The following PIK3CA variants were observed in gnomAD, a reference collection of about 807,000 sequenced individuals.
The protein encoded by PIK3CA is phosphatidylinositol-4,5-bisphosphate 3-kinase catalytic subunit alpha, also known as phosphatidylinositol 4,5-bisphosphate 3-kinase catalytic subunit alpha isoform.
In PIK3CA, 27 loss-of-function variants were observed where a neutral mutation model predicts 138.2. That is an observed-to-expected ratio of 0.20 (90% CI 0.14 to 0.27). The LOEUF (loss-of-function observed/expected upper bound fraction) is 0.27, where lower values mean the gene tolerates loss of function less well. PIK3CA is among the 10% of genes least tolerant of loss of function. PIK3CA has a pLI of 1.00. For missense variants in PIK3CA, 544 were observed against 1,277.4 expected, an observed-to-expected ratio of 0.43 and a Z score of 8.75; for synonymous variants, 358 against 413.2, an observed-to-expected ratio of 0.87 and a Z score of 1.62.
Position 179,236,701 on chromosome 3 carries a change from A to G in PIK3CA, c.*2337A>G. ...CACAAACCACATGGCCGATTTCACC[A>G]TTTACATTTATTTTCAAAAGTTACT... On this transcript the variant is annotated 3_prime_UTR_variant, in exon 21 of 21. Coordinates refer to ENST00000263967, the MANE Select transcript of PIK3CA (RefSeq NM_006218.4). 1 of 224,630 alleles carries G rather than the reference A, an allele frequency of 4.5e-6. No individual in the cohort carries two copies. The highest frequency in any genetic ancestry group is 1.8e-4 in the South Asian group (1 of 5,542). 13.9% of individuals were successfully genotyped at this position (224,630 alleles called of 1,614,324 possible). A position where few individuals can be genotyped will look rare whatever the true frequency, so the allele number is the denominator to read the frequency against.
intron 18 of PIK3CA, 118 bp from the exon 19 acceptor site, chr3:179,229,885 AT>A: frequency 1.6e-6 from 1 of 624,058 alleles, no homozygotes; most frequent in Admixed American, 2.8e-5. Flanking sequence ...TAATTTCCTT[AT>A]TCGTTGTCAG....
In PIK3CA at chr3:179,235,497, G is replaced by A. The variant is rs953376692; in HGVS notation, c.*1133G>A. The A allele has an allele frequency of 5.2e-6, 1 of 191,094 alleles. No individual in the cohort carries two copies. The highest frequency in any genetic ancestry group is 1.1e-5 in the Non-Finnish European group (1 of 91,130). 11.8% of individuals were successfully genotyped at this position (191,094 alleles called of 1,614,324 possible). On this transcript the variant is annotated 3_prime_UTR_variant, in exon 21 of 21. Transcript: ENST00000263967. ...AATAACCAGTGTATAACTACTTAAGGAAAACATAAAAACTTCATCTTCTTT... is the reference window on the plus strand; with the variant it reads ...AATAACCAGTGTATAACTACTTAAGAAAAACATAAAAACTTCATCTTCTTT...
At chr3:179,213,590 T>A (rs1381761126) in intron 9 of PIK3CA, among the ~76,000 whole-genome samples, 1 of 152,228 alleles carries the variant, frequency 6.6e-6, no homozygotes, top group Non-Finnish European at 1.5e-5. Flanking sequence ...CCCTTCCTTA[T>A]GTGAAAGATT....
rs1026742854 is a variant in PIK3CA, at chr3:179,237,275, T to C, written c.*2911T>C. The C allele has an allele frequency of 5.1e-6, 1 of 194,720 alleles. No individual in the cohort carries two copies. The highest frequency in any genetic ancestry group is 1.1e-5 in the Non-Finnish European group (1 of 93,624). 12.1% of individuals were successfully genotyped at this position (194,720 alleles called of 1,614,324 possible). A position where few individuals can be genotyped will look rare whatever the true frequency, so the allele number is the denominator to read the frequency against. On this transcript the variant is annotated 3_prime_UTR_variant, in exon 21 of 21. Transcript: ENST00000263967. Reference sequence around the variant, plus strand: ...ATGGAATTTGGTTGCTATTTTACAATAGAACCTAAGCTTTTTGTGGTTCTT... The same window carrying C: ...ATGGAATTTGGTTGCTATTTTACAACAGAACCTAAGCTTTTTGTGGTTCTT...
At chr3:179,227,907 G>T (rs559803433) in intron 17 of PIK3CA, among the ~76,000 whole-genome samples, 1 of 152,122 alleles carries the variant, frequency 6.6e-6, no homozygotes, top group Non-Finnish European at 1.5e-5. Flanking sequence ...CACATCCCAA[G>T]TATTATGGTT....
At chr3:179,209,485 T>TGGAA in intron 6 of PIK3CA, 110 bp from the exon 7 acceptor site, 1 of 588,556 alleles carries the variant, frequency 1.7e-6, no homozygotes, top group Non-Finnish European at 3.0e-6. Flanking sequence ...TCAATCTCTT[T>TGGAA]CCTGTTTTTC....
At chr3:179,209,772 T>C in intron 7 of PIK3CA, 72 bp downstream of exon 7, 2 of 749,984 alleles carry the variant, frequency 2.7e-6, no homozygotes, top group Non-Finnish European at 4.3e-6. Context: ...TTGAATTTTT[T>C]CACAAATTGG....
At chr3:179,203,895 TAGG>T (rs1307737987) in intron 5 of PIK3CA, 106 bp downstream of exon 5, 1 of 741,352 alleles carries the variant, frequency 1.3e-6, no homozygotes, top group Admixed American at 2.8e-5. Flanking sequence ...TTCAGATGGT[TAGG>T]AGAACATCCA....
chr3:179,202,939 G>GTTTTT (rs372017091), intron 4 of PIK3CA, among the ~76,000 whole-genome samples: 4 of 119,028 alleles, frequency 3.4e-5, no homozygotes, highest in African/African-American at 1.0e-4. Context: ...TGTGATCCTT[G>GTTTTT]TTTTTTTTTT....
At chr3:179,159,114 G>A (rs1236750797) in intron 1 of PIK3CA, among the ~76,000 whole-genome samples, 2 of 152,062 alleles carry the variant, frequency 1.3e-5, no homozygotes, top group Non-Finnish European at 2.9e-5. Flanking sequence ...GAAATTATCT[G>A]CGATTTTTGT....
rs2108430412 is a variant in PIK3CA at position 179,234,434 on chromosome 3, A to G, written c.*70A>G. The G allele has an allele frequency of 7.5e-7, 1 of 1,327,162 alleles. No homozygotes were observed. The highest frequency in any genetic ancestry group is 2.1e-5 in the Admixed American group (1 of 46,998). 82.2% of individuals were successfully genotyped at this position (1,327,162 alleles called of 1,614,324 possible). A position where few individuals can be genotyped will look rare whatever the true frequency, so the allele number is the denominator to read the frequency against. ...CACTGTTAATAACTCTCAGCAGGCA[A>G]AGACCGATTGCATAGGAATTGCACA... is the stretch of plus-strand genomic sequence containing the variant. On this transcript the variant is annotated 3_prime_UTR_variant, in exon 21 of 21. Coordinates refer to ENST00000263967, the MANE Select transcript of PIK3CA (RefSeq NM_006218.4). The surrounding 1 kb of genome is among the most constrained non-coding windows in gnomAD (Gnocchi z 5.1).
intron 1 of PIK3CA, among the ~76,000 whole-genome samples, chr3:179,188,271 C>G (rs1228833971): frequency 6.6e-6 from 1 of 152,204 alleles, no homozygotes; most frequent in African/African-American, 2.4e-5. Context: ...GCTCAAGTCA[C>G]TAGTTAGGCT....
At chr3:179,157,274 A>G (rs890619329) in intron 1 of PIK3CA, among the ~76,000 whole-genome samples, 2 of 152,208 alleles carry the variant, frequency 1.3e-5, no homozygotes, top group Admixed American at 1.3e-4. Flanking sequence ...GATAGGCAGC[A>G]TCTTATGGTA....
At chr3:179,204,406 A>T in intron 5 of PIK3CA, 97 bp from the exon 6 acceptor site, 4 of 581,430 alleles carry the variant, frequency 6.9e-6, no homozygotes, top group Non-Finnish European at 9.6e-6. Flanking sequence ...GCTATATCTG[A>T]ACAAAAATTC....
chr3:179,161,022 C>T lies in PIK3CA; in HGVS notation c.-77+12419C>T, dbSNP rs148974719. 1.3e-4 allele frequency among the ~76,000 whole-genome samples: 20 copies of T among 152,292 alleles called. No individual in the cohort carries two copies. The East Asian group carries it at 2.1e-3, about 16-fold the overall frequency. On this transcript the variant is annotated intron_variant, in intron 1 of 20. Coordinates refer to ENST00000263967, the MANE Select transcript of PIK3CA (RefSeq NM_006218.4). Reference sequence around the variant, plus strand: ...AAACGTGCTGTTTCATTGCATCAGACCTTCCCTTCTTCCTCGGTGTAAGAG... The same window carrying T: ...AAACGTGCTGTTTCATTGCATCAGATCTTCCCTTCTTCCTCGGTGTAAGAG...
intron 14 of PIK3CA, among the ~76,000 whole-genome samples, chr3:179,223,877 T>C (rs1725022523): frequency 6.6e-6 from 1 of 152,132 alleles, no homozygotes; most frequent in South Asian, 2.1e-4. Flanking sequence ...CAGGAAGGGG[T>C]ACACAGTGCT....
chr3:179,226,971 G>A (rs1008898331), intron 17 of PIK3CA, among the ~76,000 whole-genome samples: 4 of 152,072 alleles, frequency 2.6e-5, no homozygotes, highest in Non-Finnish European at 4.4e-5. Flanking sequence ...AGATCCACAT[G>A]CCACTACTAC....
chr3:179,185,168 A>G (rs895783179), intron 1 of PIK3CA, among the ~76,000 whole-genome samples: 1 of 152,198 alleles, frequency 6.6e-6, no homozygotes, highest in Non-Finnish European at 1.5e-5. Flanking sequence ...TCATTGAGCT[A>G]TACTAGAAAG....
intron 1 of PIK3CA, among the ~76,000 whole-genome samples, chr3:179,180,397 G>A (rs1723811733): frequency 6.6e-6 from 1 of 152,118 alleles, no homozygotes; most frequent in Admixed American, 6.5e-5. Flanking sequence ...ACTTGTATGA[G>A]TGTTTTTCTC....
Sources: allele counts gnomAD v4.1 joint callset (sites outside exome capture counted in the v4.1 genomes callset), GRCh38; gene constraint gnomAD v4.1.1; non-coding constraint Gnocchi (gnomAD v3.1); transcripts MANE v1.5; gene names NCBI Gene and HGNC (gene_info 2026-07-23, HGNC 2026-07-21).